The following CACNA2D2 variants were observed in gnomAD, a reference collection of about 807,000 sequenced individuals.
The protein encoded by CACNA2D2 is calcium voltage-gated channel auxiliary subunit alpha2delta 2.
A neutral mutation model predicts 166.4 loss-of-function variants in CACNA2D2; 48 were observed. The ratio of observed to expected loss-of-function variants is 0.29; its 90% CI spans 0.23 to 0.37. CACNA2D2 has a LOEUF of 0.37. CACNA2D2 is among the 10% of genes least tolerant of loss of function. The probability of loss-of-function intolerance (pLI) is 1.00; values close to 1 mark genes in which losing one functional copy is unlikely to be tolerated. For missense variants in CACNA2D2, 1,122 were observed against 1,433.0 expected (o/e 0.78, Z 3.50); for synonymous variants, 561 against 573.7 (o/e 0.98, Z 0.32).
chr3:50,488,310 G>A (rs576998033), intron 1 of CACNA2D2, among the ~76,000 whole-genome samples: 18 of 152,290 alleles, frequency 1.2e-4, no homozygotes, highest in African/African-American at 3.6e-4. Flanking sequence ...GCAGTGAGAC[G>A]GCTGTGCCCA....
chr3:50,384,036 T>C (rs1441493375), intron 6 of CACNA2D2, among the ~76,000 whole-genome samples, 160 bp downstream of exon 6: 1 of 152,172 alleles, frequency 6.6e-6, no homozygotes, highest in Non-Finnish European at 1.5e-5. Flanking sequence ...GATGCCCACA[T>C]GTGGGTGAAT....
rs587710202 is a variant in CACNA2D2, at chr3:50,380,192, A to G, written c.843-174T>C. Among the ~76,000 whole-genome samples the G allele has an allele frequency of 6.6e-6, 1 of 152,350 alleles. No individual in the cohort carries two copies. Among genetic ancestry groups the G allele is most frequent in the South Asian group, 2.1e-4 (1 of 4,834 alleles). ...AACGAAACAGACACAGTCCTTGCCC[A>G]TGACATGAATGGTCTGGTTCCTCAG... On this transcript the variant is annotated intron_variant, in intron 8 of 37. Coordinates refer to ENST00000424201, the MANE Select transcript of CACNA2D2 (RefSeq NM_006030.4). The surrounding 1 kb of genome is among the most constrained non-coding windows in gnomAD (Gnocchi z 4.9).
Position 50,379,839 on chromosome 3 carries a change from C to T in CACNA2D2, c.894-15G>A, listed in dbSNP as rs762979770. ...CACTGCCACTCCTGGAGAGGTCAGG[C>T]AGGGGACGTGGAGGAGCCAGGGGAA... On this transcript the variant is annotated splice_polypyrimidine_tract_variant and intron_variant, in intron 9 of 37. Transcript: ENST00000424201. The surrounding 1 kb of genome is among the most constrained non-coding windows in gnomAD (Gnocchi z 6.5). The T allele has an allele frequency of 6.2e-7, 1 of 1,613,594 alleles. No homozygotes were observed. Among genetic ancestry groups the T allele is most frequent in the African/African-American group, 1.3e-5 (1 of 74,916 alleles).
At chr3:50,382,382 T>C (rs587596458) in intron 6 of CACNA2D2, among the ~76,000 whole-genome samples, 2 of 152,282 alleles carry the variant, frequency 1.3e-5, no homozygotes, top group East Asian at 1.9e-4. Context: ...GTAGAAAGCA[T>C]GATTTACAGT....
At chr3:50,386,357 T>C (rs1473968586) in intron 5 of CACNA2D2, among the ~76,000 whole-genome samples, 1 of 152,198 alleles carries the variant, frequency 6.6e-6, no homozygotes, top group Non-Finnish European at 1.5e-5. Flanking sequence ...CCAGGGGCTT[T>C]GTATGGTGGG....
At chr3:50,368,648 A>T (rs1434443666) in intron 23 of CACNA2D2, among the ~76,000 whole-genome samples, 1 of 151,958 alleles carries the variant, frequency 6.6e-6, no homozygotes. Flanking sequence ...TCAGCCTAAG[A>T]CCTCACCCTG....
At chr3:50,484,341 T>C (rs1450876487) in intron 1 of CACNA2D2, among the ~76,000 whole-genome samples, 1 of 152,302 alleles carries the variant, frequency 6.6e-6, no homozygotes, top group South Asian at 2.1e-4. Flanking sequence ...ACCTTCTGCC[T>C]GGCACCTGCC....
intron 4 of CACNA2D2, among the ~76,000 whole-genome samples, chr3:50,389,275 T>C (rs1416712435): frequency 3.3e-5 from 5 of 152,226 alleles, no homozygotes; most frequent in Admixed American, 1.3e-4. Flanking sequence ...GGAGTTTCAG[T>C]TGACGAAGAT....
intron 4 of CACNA2D2, among the ~76,000 whole-genome samples, chr3:50,391,017 C>T (rs1234891869): frequency 6.6e-6 from 1 of 152,232 alleles, no homozygotes; most frequent in Admixed American, 6.5e-5. Context: ...GGACTGTTTT[C>T]TGAGAGAGCC....
At chr3:50,476,860 C>T (rs563728160) in intron 1 of CACNA2D2, among the ~76,000 whole-genome samples, 63 of 152,272 alleles carry the variant, frequency 4.1e-4, no homozygotes, top group Non-Finnish European at 7.8e-4. Flanking sequence ...TCACAATCCA[C>T]CTGAGCCACA....
chr3:50,418,754 G>A (rs1435818487), intron 3 of CACNA2D2, among the ~76,000 whole-genome samples: 36 of 152,256 alleles, frequency 2.4e-4, no homozygotes, highest in Admixed American at 2.4e-3. Context: ...AGAATGAGGT[G>A]GAGGGATGGA....
chr3:50,430,736 T>C (rs1259252751), intron 3 of CACNA2D2, among the ~76,000 whole-genome samples: 2 of 152,144 alleles, frequency 1.3e-5, no homozygotes, highest in Non-Finnish European at 2.9e-5. Context: ...GGTCCAAGTC[T>C]GCTATAAGAA....
At position 50,365,782 on chromosome 3, in the gene CACNA2D2, C is replaced by G. The variant is rs774307052; in HGVS notation, c.2915+28G>C. On this transcript the variant is annotated intron_variant, in intron 33 of 37. Coordinates refer to ENST00000424201, the MANE Select transcript of CACNA2D2 (RefSeq NM_006030.4). The surrounding 1 kb of genome is among the most constrained non-coding windows in gnomAD (Gnocchi z 4.5). ...AGCCCTCCCGGCCAGGGAGCACCTT[C>G]TCTACCCACCTCCCGCTCAGGACTC... The G allele has an allele frequency of 1.2e-6, 2 of 1,613,274 alleles. No individual in the cohort carries two copies. Among genetic ancestry groups the G allele is most frequent in the Middle Eastern group, 1.6e-4 (1 of 6,084 alleles).
chr3:50,433,782 C>G (rs1708182871), intron 3 of CACNA2D2, among the ~76,000 whole-genome samples: 1 of 152,166 alleles, frequency 6.6e-6, no homozygotes, highest in African/African-American at 2.4e-5. Context: ...GGCACAACCT[C>G]TCTGAATATA....
At chr3:50,387,657 G>A (rs780762676) in intron 4 of CACNA2D2, 45 bp from the exon 5 acceptor site, 7 of 1,495,314 alleles carry the variant, frequency 4.7e-6, no homozygotes, top group Middle Eastern at 1.7e-4. Context: ...TCAGGGTCCC[G>A]AGACAGACAG....
intron 6 of CACNA2D2, among the ~76,000 whole-genome samples, chr3:50,381,666 G>A (rs587672549): frequency 6.6e-6 from 1 of 151,558 alleles, no homozygotes; most frequent in Admixed American, 6.6e-5. Context: ...GGGGCTCTTG[G>A]AGGGGCAGGG....
At chr3:50,500,018 G>C (rs550749129) in intron 1 of CACNA2D2, among the ~76,000 whole-genome samples, 61 of 152,274 alleles carry the variant, frequency 4.0e-4, no homozygotes, top group Non-Finnish European at 7.4e-4. Flanking sequence ...TGGGAAGATG[G>C]GGGACCCAGA....
chr3:50,455,036 C>T (rs1180865295), intron 2 of CACNA2D2, among the ~76,000 whole-genome samples: 2 of 152,222 alleles, frequency 1.3e-5, no homozygotes, highest in Non-Finnish European at 2.9e-5. Context: ...AGGTCACAAG[C>T]CTGCTGCTCA....
At chr3:50,500,085 T>C (rs1220116816) in intron 1 of CACNA2D2, among the ~76,000 whole-genome samples, 1 of 152,126 alleles carries the variant, frequency 6.6e-6, no homozygotes, top group African/African-American at 2.4e-5. Flanking sequence ...AGACAGGGGC[T>C]GGAAGGCCCA....
Sources: allele counts gnomAD v4.1 joint callset (sites outside exome capture counted in the v4.1 genomes callset), GRCh38; gene constraint gnomAD v4.1.1; non-coding constraint Gnocchi (gnomAD v3.1); transcripts MANE v1.5; gene names NCBI Gene and HGNC (gene_info 2026-07-23, HGNC 2026-07-21).